DAB1: variants seen among roughly 807,000 people sequenced by gnomAD.
DAB1 encodes the protein DAB adaptor protein 1.
A neutral mutation model predicts 64.6 loss-of-function variants in DAB1; 15 were observed. The observed-to-expected ratio is 0.23, with a 90% confidence interval of 0.16 to 0.36. The LOEUF is 0.36. DAB1 is among the 10% of genes least tolerant of loss of function. The pLI, the probability that DAB1 is intolerant of heterozygous loss-of-function variation, is 1.00. For missense variants in DAB1, 596 were observed against 706.7 expected, an observed-to-expected ratio of 0.84 and a Z score of 1.78; for synonymous variants, 235 against 251.9, an observed-to-expected ratio of 0.93 and a Z score of 0.64.
At position 57,812,593 on chromosome 1, in the gene DAB1, C is replaced by G. The variant is rs572320316; in HGVS notation, n.551+71406G>C. ...GCTGCCAGACAGGCAGGAATACATT[C>G]AACAGTGCCAGCACTACTCTCAAAA... On this transcript the variant is annotated intron_variant and non_coding_transcript_variant, in intron 6 of 20. Transcript: ENST00000485760. 9.4e-4 allele frequency among the ~76,000 whole-genome samples: 143 copies of G among 152,302 alleles called. 1 individual carries two copies. Among genetic ancestry groups the G allele is most frequent in the Non-Finnish European group, 1.8e-3 (120 of 68,030 alleles).
At chr1:58,408,934 T>G (rs922545313) in intron 3 of DAB1, among the ~76,000 whole-genome samples, 2 of 152,110 alleles carry the variant, frequency 1.3e-5, no homozygotes, top group Admixed American at 1.3e-4. Flanking sequence ...ACAAAAAAAG[T>G]TCTGGGGGGA....
chr1:58,030,476 T>G (rs923988875), intron 5 of DAB1, among the ~76,000 whole-genome samples: 3 of 152,366 alleles, frequency 2.0e-5, no homozygotes, highest in African/African-American at 7.2e-5. Flanking sequence ...AGTGCTTTGA[T>G]GAACAGAGCC....
At chr1:57,107,505 A>C (rs1055975129) in intron 4 of DAB1, among the ~76,000 whole-genome samples, 1 of 152,100 alleles carries the variant, frequency 6.6e-6, no homozygotes, top group South Asian at 2.1e-4. Flanking sequence ...GGAGCTCTAG[A>C]ATTAAAGAGG....
intron 4 of DAB1, among the ~76,000 whole-genome samples, chr1:57,078,492 A>G (rs569090682): frequency 6.6e-6 from 1 of 152,244 alleles, no homozygotes; most frequent in African/African-American, 2.4e-5. Context: ...ATGAGATACC[A>G]TTTTTGCCAC....
At chr1:58,457,208 T>A (rs1011836540) in intron 3 of DAB1, among the ~76,000 whole-genome samples, 1 of 152,116 alleles carries the variant, frequency 6.6e-6, no homozygotes, top group Non-Finnish European at 1.5e-5. Context: ...CCAACCTGCC[T>A]CTCCTGGCCC....
At chr1:57,980,780 G>A (rs1040782296) in intron 5 of DAB1, among the ~76,000 whole-genome samples, 3 of 151,982 alleles carry the variant, frequency 2.0e-5, no homozygotes, top group African/African-American at 4.8e-5. Context: ...AAAGCAGTTC[G>A]GCAGTATGTA....
intron 1 of DAB1, among the ~76,000 whole-genome samples, chr1:57,375,574 G>T (rs566088295): frequency 6.6e-6 from 1 of 152,068 alleles, no homozygotes; most frequent in Non-Finnish European, 1.5e-5. Context: ...AACATCACAG[G>T]GCTACTAAAC....
At chr1:57,853,812 C>T (rs1653637547) in intron 1 of DAB1, among the ~76,000 whole-genome samples, 1 of 151,984 alleles carries the variant, frequency 6.6e-6, no homozygotes, top group African/African-American at 2.4e-5. Context: ...TGAATGGTAC[C>T]CAGACTGTGT....
At chr1:57,011,476 C>T (rs1484626332) in intron 12 of DAB1, among the ~76,000 whole-genome samples, 3 of 152,162 alleles carry the variant, frequency 2.0e-5, no homozygotes, top group Non-Finnish European at 4.4e-5. Context: ...GGAAGGAGCT[C>T]GTCCACACTG....
chr1:57,609,648 G>T (rs751230243), intron 7 of DAB1, among the ~76,000 whole-genome samples: 2 of 152,160 alleles, frequency 1.3e-5, no homozygotes, highest in Non-Finnish European at 2.9e-5. Context: ...ATAGATAGTC[G>T]CTGGTTTTTT....
intron 5 of DAB1, among the ~76,000 whole-genome samples, chr1:58,014,619 C>T (rs987614371): frequency 6.6e-6 from 1 of 152,230 alleles, no homozygotes; most frequent in South Asian, 2.1e-4. Context: ...ATTATGATTG[C>T]TTATTTATAT....
intron 5 of DAB1, among the ~76,000 whole-genome samples, chr1:58,143,592 T>A (rs983581458): frequency 3.3e-5 from 5 of 152,180 alleles, no homozygotes; most frequent in Non-Finnish European, 1.5e-5. Context: ...TTGGGAGCCC[T>A]GGCAGCAGAG....
At position 57,367,994 on chromosome 1, in the gene DAB1, A is replaced by T. The variant is rs1440791152; in HGVS notation, c.-137+55936T>A. On this transcript the variant is annotated intron_variant, in intron 1 of 14. Coordinates refer to ENST00000371236, the MANE Select transcript of DAB1 (RefSeq NM_001365792.1). ...TCCCTGCCCTCTTGGAGGCCCAGGA[A>T]GGCTTGGAAATACCTGCTCCCATGG... is the stretch of plus-strand genomic sequence containing the variant. Among the ~76,000 whole-genome samples the T allele has an allele frequency of 2.6e-5, 4 of 152,320 alleles. No homozygotes were observed. The East Asian group carries it at 7.7e-4, about 29-fold the overall frequency.
intron 4 of DAB1, among the ~76,000 whole-genome samples, chr1:58,165,200 A>C: frequency 6.6e-6 from 1 of 152,160 alleles, no homozygotes; most frequent in East Asian, 1.9e-4. Flanking sequence ...AAAGACAGAC[A>C]GATGTGTCCC....
At chr1:57,653,440 C>T (rs191053582) in intron 6 of DAB1, among the ~76,000 whole-genome samples, 2 of 152,118 alleles carry the variant, frequency 1.3e-5, no homozygotes, top group Admixed American at 6.5e-5. Context: ...TATTTTATCA[C>T]GTGTTTATAT....
chr1:57,619,208 G>A (rs1230839731), intron 7 of DAB1, among the ~76,000 whole-genome samples: 1 of 152,052 alleles, frequency 6.6e-6, no homozygotes, highest in Non-Finnish European at 1.5e-5. Flanking sequence ...TTTTTATGGA[G>A]CATCCTGCAG....
chr1:57,787,933 G>A (rs980762366), intron 6 of DAB1, among the ~76,000 whole-genome samples: 2 of 151,484 alleles, frequency 1.3e-5, no homozygotes, highest in African/African-American at 2.4e-5. Context: ...TCATCATTAT[G>A]GAAATAAAAA....
chr1:57,660,047 T>C (rs561033849), intron 6 of DAB1, among the ~76,000 whole-genome samples: 2 of 151,698 alleles, frequency 1.3e-5, no homozygotes, highest in African/African-American at 2.4e-5. Context: ...CTGATAATTA[T>C]AAGCTTAGTT....
chr1:58,473,561 T>A lies in DAB1; in HGVS notation n.257+32499A>T, dbSNP rs574057155. On this transcript the variant is annotated intron_variant and non_coding_transcript_variant, in intron 3 of 20. Coordinates refer to the DAB1 transcript ENST00000485760. Reference sequence around the variant, plus strand: ...CGTCTCAAAAAAATAAATAAATAAATAAATAAATAAATAAATAAATAAATA... The same window carrying A: ...CGTCTCAAAAAAATAAATAAATAAAAAAATAAATAAATAAATAAATAAATA... 1.4e-3 allele frequency among the ~76,000 whole-genome samples: 201 copies of A among 140,672 alleles called. 3 individuals are homozygous for A. Among genetic ancestry groups the A allele is most frequent in the East Asian group, 5.9e-3 (28 of 4,718 alleles). 92.3% of individuals were successfully genotyped at this position (140,672 alleles called of 152,430 possible).
Sources: allele counts gnomAD v4.1 joint callset (sites outside exome capture counted in the v4.1 genomes callset), GRCh38; gene constraint gnomAD v4.1.1; transcripts MANE v1.5; gene names NCBI Gene and HGNC (gene_info 2026-07-23, HGNC 2026-07-21).